ZNF839: variants seen among roughly 807,000 people sequenced by gnomAD.
ZNF839 encodes zinc finger protein 839, also known as renal carcinoma antigen NY-REN-50.
A neutral mutation model predicts 56.4 loss-of-function variants in ZNF839; 38 were observed. That is an observed-to-expected ratio of 0.67 (90% confidence interval 0.52 to 0.88). ZNF839 has a LOEUF of 0.88. Among genes scored for constraint, ZNF839 ranks in the 40% least tolerant of loss-of-function variants. ZNF839 has a pLI of 0.00. For synonymous variants in ZNF839, 486 were observed against 493.5 expected (o/e 0.98, Z 0.20); for missense variants, 1,091 against 1,177.6 (o/e 0.93, Z 1.08).
rs1362452544 is a variant in ZNF839 at position 102,341,752 on chromosome 14, G to C, written c.2357G>C (p.Ser786Thr). The C allele has an allele frequency of 6.2e-7, 1 of 1,614,004 alleles. No individual in the cohort carries two copies. Among genetic ancestry groups the C allele is most frequent in the Non-Finnish European group, 8.5e-7 (1 of 1,179,872 alleles). ...CDFHLNHQQP[S>T]PTSVLPTEVA... ...TTCCACCTGAACCACCAGCAGCCCAGCCCCACCAGCGTCCTGCCTACAGAG... is the reference window on the plus strand; with the variant it reads ...TTCCACCTGAACCACCAGCAGCCCACCCCCACCAGCGTCCTGCCTACAGAG... Residue 786 changes from serine to threonine, a missense_variant, in exon 8 of 8, where the codon AGC (serine) becomes ACC (threonine). This residue lies in a region of ZNF839 where 431 missense variants were observed against 468.0 expected (regional missense o/e 0.92). Transcript: ENST00000442396.
At chr14:102,327,348 C>T (rs951804887) in intron 2 of ZNF839, among the ~76,000 whole-genome samples, 6 of 151,796 alleles carry the variant, frequency 4.0e-5, no homozygotes, top group African/African-American at 1.5e-4. Context: ...ACCATGTTGG[C>T]CAGGCTGGTC....
chr14:102,322,338 T>C (rs1323701522), intron 1 of ZNF839, among the ~76,000 whole-genome samples: 1 of 152,190 alleles, frequency 6.6e-6, no homozygotes, highest in Non-Finnish European at 1.5e-5. Context: ...GACTGAGGTA[T>C]GGCAGGGGAA....
intron 5 of ZNF839, among the ~76,000 whole-genome samples, chr14:102,336,192 C>CAAA (rs200609836): frequency 2.4e-5 from 3 of 123,800 alleles, no homozygotes; most frequent in Non-Finnish European, 1.8e-5. Flanking sequence ...AAAACAAAAC[C>CAAA]AAAAAAAAAA....
At chr14:102,323,531 T>C (rs1030215520) in intron 1 of ZNF839, among the ~76,000 whole-genome samples, 1 of 152,196 alleles carries the variant, frequency 6.6e-6, no homozygotes, top group Non-Finnish European at 1.5e-5. Context: ...TGGGGTGTTA[T>C]TGAAGGTAGT....
At chr14:102,323,933 GAAA>G (rs2073267781) in intron 1 of ZNF839, among the ~76,000 whole-genome samples, 1 of 152,150 alleles carries the variant, frequency 6.6e-6, no homozygotes, top group African/African-American at 2.4e-5. Context: ...ATGAAGTAAA[GAAA>G]CCCAGAAAAG....
chr14:102,319,866 C>A lies in ZNF839; in HGVS notation c.101C>A (p.Ala34Asp). 1 of 1,279,516 alleles carries A rather than the reference C, an allele frequency of 7.8e-7. No homozygotes were observed. Among genetic ancestry groups the A allele is most frequent in the Non-Finnish European group, 9.9e-7 (1 of 1,013,504 alleles). The allele number at this position is 1,279,516 out of a possible 1,614,324, so 79.3% of individuals were successfully genotyped here. The part of the protein sequence containing the change: ...PGQSGSVARV[A>D]PLGPEQLRQV... ...CAGAGCGGCAGCGTCGCACGTGTGG[C>A]CCCGCTGGGCCCCGAGCAGCTGCGG... The change falls in exon 1 of 8, where the codon GCC becomes GAC. Residue 34 changes from alanine to aspartate, a missense_variant. Transcript: ENST00000442396. This position sits in a 1 kb window ranked among gnomAD's most constrained non-coding sequence, Gnocchi z 4.5.
chr14:102,332,906 G>A lies in ZNF839; in HGVS notation c.1416+1060G>A, dbSNP rs549404279. ...GCCTGGGGGACAAGAACGAGACTTC[G>A]TCTCAAAAACAAAAACAAAAACAAA... On this transcript the variant is annotated intron_variant, in intron 3 of 7. Coordinates refer to ENST00000442396, the MANE Select transcript of ZNF839 (RefSeq NM_018335.6). The surrounding 1 kb of genome is among the most constrained non-coding windows in gnomAD (Gnocchi z 4.9). Among the ~76,000 whole-genome samples, 79 of 152,238 alleles carry A rather than the reference G, an allele frequency of 5.2e-4. No homozygotes were observed. The highest frequency in any genetic ancestry group is 1.0e-3 in the Non-Finnish European group (68 of 68,032).
In ZNF839 at chr14:102,338,726, A is replaced by G. The variant is rs999280692; in HGVS notation, c.1660-90A>G. 36 of 1,562,386 alleles carry G rather than the reference A, an allele frequency of 2.3e-5. 1 individual carries two copies. In the South Asian group the frequency reaches 2.3e-4, roughly 10 times the overall value. On this transcript the variant is annotated intron_variant, in intron 5 of 7. Coordinates refer to ENST00000442396, the MANE Select transcript of ZNF839 (RefSeq NM_018335.6). ...TGAGGAACTTTGTAGATTTAATTCT[A>G]TGAAGTCGTTTAATTCTTGCATGTG...
chr14:102,338,071 C>A (rs1219729381), intron 5 of ZNF839, among the ~76,000 whole-genome samples: 2 of 152,322 alleles, frequency 1.3e-5, no homozygotes, highest in East Asian at 3.9e-4. Context: ...AAGCCCATGC[C>A]TTTTTACCAG....
In ZNF839 at chr14:102,342,086, T is replaced by TA. The variant is rs1717435247; in HGVS notation, c.2692dup (p.Ile898AsnfsTer20). 1.2e-6 allele frequency: 2 copies of TA among 1,614,014 alleles called. No individual in the cohort carries two copies. The highest frequency in any genetic ancestry group is 1.3e-5 in the African/African-American group (1 of 75,048). ...TTTTTATTCAGACTTCCGATGGGCT[T>TA]ATCTTGTCCCCTCCAGGTACAATAG... On this transcript the variant is annotated frameshift_variant, in exon 8 of 8. Coordinates refer to ENST00000442396, the MANE Select transcript of ZNF839 (RefSeq NM_018335.6). LOFTEE classifies it low-confidence loss of function (END_TRUNC).
chr14:102,339,249 G>T lies in ZNF839; in HGVS notation c.1927+26G>T, dbSNP rs1298690616. 5 of 1,604,090 alleles carry T rather than the reference G, an allele frequency of 3.1e-6. No homozygotes were observed. The Admixed American group carries it at 8.6e-5, about 28-fold the overall frequency. ...GTGAGGGTAAAATGCTGTTTGTGGG[G>T]TGTATCCATGGCCTGGCAGCCCTGC... On this transcript the variant is annotated intron_variant, in intron 7 of 7. Coordinates refer to ENST00000442396, the MANE Select transcript of ZNF839 (RefSeq NM_018335.6).
rs927534375 is a variant in ZNF839, at chr14:102,332,184, G to A, written c.1416+338G>A. The stretch of plus-strand genomic sequence containing the variant: ...GTCTCACACTGTCATCCAGGCTGGA[G>A]TGCAGTGGTGCCATCCCGGCTCACT... On this transcript the variant is annotated intron_variant, in intron 3 of 7. Coordinates refer to ENST00000442396, the MANE Select transcript of ZNF839 (RefSeq NM_018335.6). This position sits in a 1 kb window ranked among gnomAD's most constrained non-coding sequence, Gnocchi z 4.9. 1.2e-4 allele frequency among the ~76,000 whole-genome samples: 18 copies of A among 152,108 alleles called. No individual in the cohort carries two copies. Among genetic ancestry groups the A allele is most frequent in the Non-Finnish European group, 2.5e-4 (17 of 68,030 alleles).
At chr14:102,319,180 G>A (rs1459988734), upstream of ZNF839, 1 of 152,238 alleles carries the variant, frequency 6.6e-6, no homozygotes, top group East Asian at 1.9e-4. This position sits in a 1 kb window ranked among gnomAD's most constrained non-coding sequence, Gnocchi z 4.5. Flanking sequence ...CGTGCGTTGT[G>A]TTCTGGGCAG....
intron 2 of ZNF839, among the ~76,000 whole-genome samples, chr14:102,329,203 T>C (rs1377641310): frequency 6.6e-6 from 1 of 152,016 alleles, no homozygotes; most frequent in African/African-American, 2.4e-5. Context: ...TCGCTTGACC[T>C]TGTGATCCAC....
At chr14:102,334,187 C>G (rs1449011881) in intron 3 of ZNF839, among the ~76,000 whole-genome samples, 1 of 152,274 alleles carries the variant, frequency 6.6e-6, no homozygotes, top group Non-Finnish European at 1.5e-5. Flanking sequence ...GGTTGCCTTT[C>G]AGCCCTTCTG....
At position 102,341,462 on chromosome 14, in the gene ZNF839, G is replaced by C. The variant is rs771687875; in HGVS notation, c.2067G>C (p.Gly689=). Residue 689 remains glycine, a synonymous_variant, in exon 8 of 8, where the codon GGG becomes GGC. Coordinates refer to ENST00000442396, the MANE Select transcript of ZNF839 (RefSeq NM_018335.6). ...TGGCTAACTTAGAAGCCAGGAGGGG[G>C]TCTATAGGTGCTGCTCTCTCATCCC... ...QALANLEARR[G]SIGAALSSRD... The C allele has an allele frequency of 1.9e-6, 3 of 1,598,530 alleles. No homozygotes were observed. In the African/African-American group the frequency reaches 4.0e-5, roughly 21 times the overall value.
At chr14:102,328,370 AAAAAAAT>A (rs2073545644) in intron 2 of ZNF839, among the ~76,000 whole-genome samples, 1 of 49,220 alleles carries the variant, frequency 2.0e-5, no homozygotes, top group Non-Finnish European at 3.6e-5. Context: ...AAAAAAAAAA[AAAAAAAT>A]ATATATATAT....
chr14:102,325,306 T>C (rs1208425021), intron 1 of ZNF839, among the ~76,000 whole-genome samples: 1 of 146,480 alleles, frequency 6.8e-6, no homozygotes, highest in African/African-American at 2.5e-5. Context: ...ACCACTGCAC[T>C]CTAGCCTGGG....
intron 7 of ZNF839, among the ~76,000 whole-genome samples, chr14:102,340,519 G>C (rs913211089): frequency 6.6e-6 from 1 of 151,922 alleles, no homozygotes; most frequent in Non-Finnish European, 1.5e-5. Flanking sequence ...TGATCTGCCC[G>C]CCTCAGCCTC....
Sources: allele counts gnomAD v4.1 joint callset (sites outside exome capture counted in the v4.1 genomes callset), GRCh38; gene constraint gnomAD v4.1.1; regional missense constraint gnomAD v4.1.1; non-coding constraint Gnocchi (gnomAD v3.1); transcripts MANE v1.5; gene names NCBI Gene and HGNC (gene_info 2026-07-23, HGNC 2026-07-21).